The following RABL3 variants were observed in gnomAD, a reference collection of about 807,000 sequenced individuals.
RABL3 encodes the protein rab-like protein 3.
RABL3 carries 31 observed loss-of-function variants against 31.8 expected under a neutral mutation model. The ratio of observed to expected loss-of-function variants is 0.97; its 90% CI spans 0.73 to 1.31. The LOEUF is 1.31. Ranked by LOEUF, RABL3 falls within the 40% of genes most tolerant of loss-of-function variation. The pLI, the probability that RABL3 is intolerant of heterozygous loss-of-function variation, is 0.00. For synonymous variants in RABL3, 97 were observed against 99.9 expected (o/e 0.97, Z 0.18); for missense variants, 263 against 279.6 (o/e 0.94, Z 0.42).
intron 4 of RABL3, among the ~76,000 whole-genome samples, chr3:120,700,959 A>T (rs964017168): frequency 6.6e-6 from 1 of 152,088 alleles, no homozygotes; most frequent in Non-Finnish European, 1.5e-5. Flanking sequence ...AAATATGGCT[A>T]AAAACTCAAA....
At chr3:120,709,266 GCT>G (rs1163638234) in intron 3 of RABL3, among the ~76,000 whole-genome samples, 2 of 151,992 alleles carry the variant, frequency 1.3e-5, no homozygotes. Flanking sequence ...CTGGAAGTCT[GCT>G]CCAGGTATTT....
At chr3:120,742,626 A>C (rs1709062771), upstream of RABL3, 1 of 1,003,632 alleles carries the variant, frequency 1.0e-6, no homozygotes, top group African/African-American at 1.6e-5. Context: ...GTCTTGATCG[A>C]AGGTTTCACT....
intron 4 of RABL3, among the ~76,000 whole-genome samples, chr3:120,702,788 A>C (rs1708507732): frequency 6.6e-6 from 1 of 151,992 alleles, no homozygotes; most frequent in South Asian, 2.1e-4. Flanking sequence ...CGATCTCCTG[A>C]CCTCATGATC....
At chr3:120,734,142 G>A (rs1708924410) in intron 1 of RABL3, among the ~76,000 whole-genome samples, 1 of 152,152 alleles carries the variant, frequency 6.6e-6, no homozygotes, top group Admixed American at 6.5e-5. Context: ...TGGGCAGTAT[G>A]GCCATTTTCA....
At position 120,685,970 on chromosome 3, in the gene RABL3, A is replaced by G. The variant is rs964553399; in HGVS notation, c.*3853T>C. ...ACACTTCAGAGTTTGAAAGCCCTCCATGTGAGTCCTTAATGGAGGTGCAGA... is the reference window on the plus strand; with the variant it reads ...ACACTTCAGAGTTTGAAAGCCCTCCGTGTGAGTCCTTAATGGAGGTGCAGA... On this transcript the variant is annotated 3_prime_UTR_variant, in exon 8 of 8. Transcript: ENST00000273375. Among the ~76,000 whole-genome samples the G allele has an allele frequency of 3.9e-5, 6 of 152,242 alleles. No homozygotes were observed. Among genetic ancestry groups the G allele is most frequent in the Admixed American group, 3.3e-4 (5 of 15,294 alleles).
chr3:120,729,607 CA>C (rs1203782706), intron 2 of RABL3, among the ~76,000 whole-genome samples: 1 of 151,982 alleles, frequency 6.6e-6, no homozygotes, highest in Non-Finnish European at 1.5e-5. Flanking sequence ...AAAATTTTTA[CA>C]TTTTAAAAAG....
intron 5 of RABL3, among the ~76,000 whole-genome samples, chr3:120,694,685 T>C (rs1708416276): frequency 6.6e-6 from 1 of 152,010 alleles, no homozygotes; most frequent in South Asian, 2.1e-4. Context: ...AAAATAAGGA[T>C]TTAGAGGTGC....
intron 4 of RABL3, among the ~76,000 whole-genome samples, chr3:120,702,369 T>C (rs1230422090): frequency 4.6e-5 from 7 of 152,020 alleles, no homozygotes; most frequent in Non-Finnish European, 1.0e-4. Flanking sequence ...ATCCCTCACA[T>C]GCACAGTTCA....
At chr3:120,718,365 T>G (rs989558301) in intron 2 of RABL3, among the ~76,000 whole-genome samples, 4 of 152,196 alleles carry the variant, frequency 2.6e-5, no homozygotes, top group Admixed American at 6.5e-5. Flanking sequence ...AAATCTGCCT[T>G]CTTTAGATGC....
chr3:120,727,314 G>A (rs552992071), intron 2 of RABL3, among the ~76,000 whole-genome samples: 10 of 152,110 alleles, frequency 6.6e-5, no homozygotes, highest in African/African-American at 2.4e-4. Context: ...AGGGAATATT[G>A]TTCAATTATC....
intron 3 of RABL3, among the ~76,000 whole-genome samples, chr3:120,706,617 T>C (rs1482974580): frequency 1.3e-5 from 2 of 151,236 alleles, no homozygotes; most frequent in Non-Finnish European, 3.0e-5. Flanking sequence ...TTTGATACAA[T>C]TGCTATTCTT....
intron 2 of RABL3, among the ~76,000 whole-genome samples, chr3:120,728,296 T>C (rs765690503): frequency 2.0e-5 from 3 of 152,176 alleles, no homozygotes; most frequent in Non-Finnish European, 2.9e-5. Context: ...GTAGACTCAA[T>C]AAAGCACATA....
chr3:120,724,621 G>T (rs1041899142), intron 2 of RABL3, among the ~76,000 whole-genome samples: 1 of 152,114 alleles, frequency 6.6e-6, no homozygotes, highest in Non-Finnish European at 1.5e-5. Flanking sequence ...CAATGGAACA[G>T]AACAGAGCCC....
intron 6 of RABL3, among the ~76,000 whole-genome samples, chr3:120,691,710 T>A (rs748113345): frequency 2.6e-5 from 4 of 152,246 alleles, no homozygotes; most frequent in Non-Finnish European, 5.9e-5. Flanking sequence ...ATAGACCTGC[T>A]GTGATAAGAA....
intron 1 of RABL3, among the ~76,000 whole-genome samples, chr3:120,734,824 C>T (rs1708935153): frequency 6.6e-6 from 1 of 152,114 alleles, no homozygotes; most frequent in South Asian, 2.1e-4. Flanking sequence ...GTCTTTGGTT[C>T]TGTTTATATG....
chr3:120,711,163 C>T (rs1452369763), intron 2 of RABL3, among the ~76,000 whole-genome samples: 1 of 152,088 alleles, frequency 6.6e-6, no homozygotes, highest in Non-Finnish European at 1.5e-5. Context: ...TCTCTGATTT[C>T]TAATTGCTAA....
intron 1 of RABL3, among the ~76,000 whole-genome samples, chr3:120,734,445 T>G (rs1424548668): frequency 6.6e-6 from 1 of 152,246 alleles, no homozygotes; most frequent in African/African-American, 2.4e-5. Context: ...GATTTTGGGC[T>G]GAGACGATGG....
At chr3:120,692,765 A>G (rs1225925509) in intron 6 of RABL3, among the ~76,000 whole-genome samples, 6 of 152,244 alleles carry the variant, frequency 3.9e-5, no homozygotes, top group African/African-American at 1.4e-4. Flanking sequence ...GATTATACCA[A>G]TCAATAACCC....
chr3:120,702,565 T>C (rs1194929987), intron 4 of RABL3, among the ~76,000 whole-genome samples: 1 of 151,678 alleles, frequency 6.6e-6, no homozygotes, highest in Non-Finnish European at 1.5e-5. Flanking sequence ...TTTTTCTTTT[T>C]TTTTTTTTTT....
Sources: gnomAD v4.1 joint callset for allele counts (sites outside exome capture counted in the v4.1 genomes callset) on GRCh38, gnomAD v4.1.1 for gene constraint, MANE v1.5 for transcripts, NCBI Gene and HGNC (gene_info 2026-07-23, HGNC 2026-07-21) for gene names.